The following NAPEPLD variants were observed in gnomAD, a reference collection of about 807,000 sequenced individuals.
NAPEPLD encodes N-acyl-phosphatidylethanolamine-hydrolyzing phospholipase D.
NAPEPLD carries 23 observed loss-of-function variants against 38.1 expected under a neutral mutation model. The ratio of observed to expected loss-of-function variants is 0.60; its 90% CI spans 0.43 to 0.86. The LOEUF is 0.86. Ranked by LOEUF, NAPEPLD falls within the 40% of genes least tolerant of loss-of-function variation. The pLI, the probability that NAPEPLD is intolerant of heterozygous loss-of-function variation, is 0.00. For missense variants in NAPEPLD, 411 were observed against 476.8 expected, an observed-to-expected ratio of 0.86 and a Z score of 1.28; for synonymous variants, 147 against 162.0, an observed-to-expected ratio of 0.91 and a Z score of 0.71.
At chr7:103,129,938 T>C (rs897261160) in intron 1 of NAPEPLD, among the ~76,000 whole-genome samples, 2 of 152,230 alleles carry the variant, frequency 1.3e-5, no homozygotes, top group Non-Finnish European at 2.9e-5. Flanking sequence ...CTGCTACTAC[T>C]GCTACTGCTT....
intron 4 of NAPEPLD, among the ~76,000 whole-genome samples, chr7:103,111,675 A>G (rs1258349438): frequency 6.6e-6 from 1 of 152,260 alleles, no homozygotes; most frequent in Non-Finnish European, 1.5e-5. Flanking sequence ...AAACCCAGGC[A>G]ATACCATTCA....
intron 4 of NAPEPLD, among the ~76,000 whole-genome samples, chr7:103,110,823 G>C (rs967691603): frequency 2.0e-5 from 3 of 152,172 alleles, no homozygotes; most frequent in African/African-American, 7.2e-5. Context: ...TGTATATTTA[G>C]AGAAACCCAT....
chr7:103,106,089 G>A (rs1394659083), intron 4 of NAPEPLD, among the ~76,000 whole-genome samples: 1 of 152,154 alleles, frequency 6.6e-6, no homozygotes, highest in African/African-American at 2.4e-5. Context: ...GCAGCCCACG[G>A]AGGGTGAGCC....
intron 4 of NAPEPLD, among the ~76,000 whole-genome samples, chr7:103,112,593 G>T (rs561785744): frequency 3.7e-4 from 56 of 152,106 alleles, no homozygotes; most frequent in African/African-American, 1.2e-3. Flanking sequence ...TCACACATTG[G>T]GGCCTGTCAG....
At chr7:103,115,254 T>A in intron 3 of NAPEPLD, 80 bp from the exon 4 acceptor site, 1 of 1,013,074 alleles carries the variant, frequency 9.9e-7, no homozygotes. Context: ...TTAACCAAAC[T>A]TTAAGATTCT....
At chr7:103,119,474 T>C in intron 3 of NAPEPLD, 103 bp downstream of exon 3, 1 of 1,326,916 alleles carries the variant, frequency 7.5e-7, no homozygotes, top group Non-Finnish European at 1.0e-6. Flanking sequence ...AAGTCCACCA[T>C]TAAAATCATA....
chr7:103,120,701 C>T (rs13246923), intron 2 of NAPEPLD, among the ~76,000 whole-genome samples: 792 of 82,378 alleles, frequency 9.6e-3, no homozygotes, highest in South Asian at 0.015. Context: ...TGATATTTTT[C>T]TTTTTTTTTT....
At chr7:103,110,433 C>T (rs1291791076) in intron 4 of NAPEPLD, among the ~76,000 whole-genome samples, 2 of 152,122 alleles carry the variant, frequency 1.3e-5, no homozygotes, top group Admixed American at 1.3e-4. Context: ...GTTCAACATA[C>T]GCAACTCAAT....
At chr7:103,149,609 G>T (rs1362953409), upstream of NAPEPLD, 5 of 679,088 alleles carry the variant, frequency 7.4e-6, no homozygotes, top group Non-Finnish European at 8.0e-6. Context: ...GTGGGCCGGG[G>T]CGCCGAAGCC....
Position 103,119,803 on chromosome 7 carries a change from G to A in NAPEPLD, c.715C>T (p.Pro239Ser), listed in dbSNP as rs1413756141. 6.2e-7 allele frequency: 1 copy of A among 1,613,982 alleles called. No individual in the cohort carries two copies. Among genetic ancestry groups the A allele is most frequent in the East Asian group, 2.2e-5 (1 of 44,886 alleles). ...ELDWWEENCVPGHDKVTFVFT... is the reference protein window; with the variant it reads ...ELDWWEENCVSGHDKVTFVFT... ...ACAAAAGTGACCTTATCATGTCCGG[G>A]GACACAATTCTCCTCCCACCAGTCC... is the stretch of plus-strand genomic sequence containing the variant. Residue 239 changes from proline to serine, a missense_variant, in exon 3 of 5, where the codon CCC (proline) becomes TCC (serine). Pro to Ser is a moderately conservative substitution (Grantham distance 74, BLOSUM62 -1). Transcript: ENST00000465647.
chr7:103,139,383 A>G (rs1186253453), intron 1 of NAPEPLD, among the ~76,000 whole-genome samples: 1 of 152,240 alleles, frequency 6.6e-6, no homozygotes, highest in African/African-American at 2.4e-5. Context: ...TCACATTTAC[A>G]GAAGTGTCAG....
intron 1 of NAPEPLD, among the ~76,000 whole-genome samples, chr7:103,143,754 A>G (rs1360610521): frequency 6.6e-6 from 1 of 152,224 alleles, no homozygotes; most frequent in African/African-American, 2.4e-5. Flanking sequence ...AATCTTTCAA[A>G]TCACAACAAA....
chr7:103,117,678 A>G (rs1044912592), intron 3 of NAPEPLD, among the ~76,000 whole-genome samples: 8 of 152,150 alleles, frequency 5.3e-5, no homozygotes, highest in Admixed American at 2.6e-4. Flanking sequence ...GGCTACCACA[A>G]TTTAACTCTC....
intron 1 of NAPEPLD, among the ~76,000 whole-genome samples, chr7:103,138,774 G>A (rs149640119): frequency 6.6e-6 from 1 of 152,310 alleles, no homozygotes; most frequent in African/African-American, 2.4e-5. Context: ...CCAGCCTTCT[G>A]TAGCCTTTAA....
At chr7:103,149,288 G>A, upstream of NAPEPLD, 2 of 1,064,496 alleles carry the variant, frequency 1.9e-6, no homozygotes, top group Non-Finnish European at 2.3e-6. Flanking sequence ...CCTCGCGCTT[G>A]GGGTGGCCGG....
At chr7:103,121,208 ATAAC>A (rs1199093576) in intron 2 of NAPEPLD, among the ~76,000 whole-genome samples, 1 of 152,242 alleles carries the variant, frequency 6.6e-6, no homozygotes, top group Non-Finnish European at 1.5e-5. Context: ...ATATAAAACA[ATAAC>A]TATAACAAAG....
intron 2 of NAPEPLD, chr7:103,127,746 A>T (rs1021048126): frequency 3.3e-5 from 5 of 152,202 alleles, no homozygotes; most frequent in Non-Finnish European, 7.3e-5. Flanking sequence ...TTGTTAACAC[A>T]GCAGAGGGAG....
upstream of NAPEPLD, among the ~76,000 whole-genome samples, chr7:103,149,906 C>A (rs1813359356): frequency 6.6e-6 from 1 of 152,174 alleles, no homozygotes; most frequent in Non-Finnish European, 1.5e-5. Flanking sequence ...AGCGAAGAAA[C>A]TAAACTCTAA....
At chr7:103,127,606 C>T (rs1162496036) in intron 2 of NAPEPLD, 1 of 152,152 alleles carries the variant, frequency 6.6e-6, no homozygotes, top group Admixed American at 6.6e-5. Context: ...AAGGCATCAG[C>T]TCAGACTACA....
Sources: allele counts gnomAD v4.1 joint callset (sites outside exome capture counted in the v4.1 genomes callset), GRCh38; gene constraint gnomAD v4.1.1; transcripts MANE v1.5; gene names NCBI Gene and HGNC (gene_info 2026-07-23, HGNC 2026-07-21).